Variants in ABLIM2 observed in about 807,000 individuals in gnomAD.
ABLIM2 encodes the protein actin binding LIM protein family member 2, also known as actin-binding LIM protein 2.
ABLIM2 carries 53 observed loss-of-function variants against 97.7 expected under a neutral mutation model. The observed-to-expected ratio is 0.54, with a 90% CI of 0.44 to 0.68. ABLIM2 has a LOEUF of 0.68. ABLIM2 is among the 30% of genes least tolerant of loss of function. The pLI, the probability that ABLIM2 is intolerant of heterozygous loss-of-function variation, is 0.00. For synonymous variants in ABLIM2, 361 were observed against 345.8 expected (o/e 1.04, Z -0.49); for missense variants, 835 against 867.2 (o/e 0.96, Z 0.47).
intron 6 of ABLIM2, among the ~76,000 whole-genome samples, chr4:8,062,606 T>A (rs1449259914): frequency 6.6e-6 from 1 of 151,728 alleles, no homozygotes; most frequent in Non-Finnish European, 1.5e-5. Flanking sequence ...GCCTGGCTAA[T>A]TTTTTTGTAT....
chr4:7,990,258 G>A (rs183648777), intron 17 of ABLIM2, among the ~76,000 whole-genome samples: 21 of 152,146 alleles, frequency 1.4e-4, no homozygotes, highest in Admixed American at 3.9e-4. Context: ...GGAGTGCAGC[G>A]GCATAATAGC....
intron 8 of ABLIM2, among the ~76,000 whole-genome samples, chr4:8,045,602 G>A (rs780631483): frequency 7.9e-5 from 12 of 152,102 alleles, no homozygotes; most frequent in African/African-American, 1.2e-4. Flanking sequence ...AGCCAAGATC[G>A]CGCCACTGCA....
Position 7,983,361 on chromosome 4 carries a change from C to A in ABLIM2, c.1744-17G>T. ...CGGATAGATCTGTTGGGGGAGGAAA[C>A]CACAGGGTCACCTCACGAAGCAAGT... On this transcript the variant is annotated splice_polypyrimidine_tract_variant and intron_variant, in intron 19 of 20. Coordinates refer to ENST00000447017, the MANE Select transcript of ABLIM2 (RefSeq NM_001130083.2). The A allele has an allele frequency of 6.2e-7, 1 of 1,609,008 alleles. No individual in the cohort carries two copies. Among genetic ancestry groups the A allele is most frequent in the Non-Finnish European group, 8.5e-7 (1 of 1,177,894 alleles).
In ABLIM2 at chr4:8,029,566, T is replaced by C. The variant is rs947706418; in HGVS notation, c.1168+90A>G. Reference sequence around the variant, plus strand: ...TCCAGTTGTATAAGAAAAATGCCACTTATAACCGAAAAAAAAAACTAAAAA... The same window carrying C: ...TCCAGTTGTATAAGAAAAATGCCACCTATAACCGAAAAAAAAAACTAAAAA... On this transcript the variant is annotated intron_variant, in intron 11 of 20. Transcript: ENST00000447017. The C allele has an allele frequency of 9.2e-6, 12 of 1,304,410 alleles. No homozygotes were observed. The African/African-American group carries it at 2.0e-4, about 22-fold the overall frequency. 80.8% of individuals were successfully genotyped at this position (1,304,410 alleles called of 1,614,324 possible).
At chr4:7,988,919 G>GTC (rs1282039811) in intron 17 of ABLIM2, among the ~76,000 whole-genome samples, 2 of 152,130 alleles carry the variant, frequency 1.3e-5, no homozygotes, top group Admixed American at 1.3e-4. Context: ...TTGTCTTGTA[G>GTC]TCACATGCAT....
intron 1 of ABLIM2, among the ~76,000 whole-genome samples, chr4:8,139,832 C>A (rs1044358223): frequency 1.6e-4 from 24 of 152,170 alleles, no homozygotes; most frequent in African/African-American, 5.5e-4. Context: ...TACACAATAG[C>A]AAAGGCATGA....
In ABLIM2 at chr4:7,965,987, A is replaced by G. The variant is rs1270756893; in HGVS notation, c.*1003T>C. 6.6e-6 allele frequency: 1 copy of G among 152,252 alleles called. No homozygotes were observed. The highest frequency in any genetic ancestry group is 1.5e-5 in the Non-Finnish European group (1 of 68,042). 9.4% of individuals were successfully genotyped at this position (152,252 alleles called of 1,614,324 possible). ...AACCCTTGATTCCAGGGCTTTGGCC[A>G]TCAGAGGAGGATGTTTTCTCCCCAA... On this transcript the variant is annotated 3_prime_UTR_variant, in exon 21 of 21. Transcript: ENST00000447017.
chr4:8,066,563 A>T (rs1430222683), intron 6 of ABLIM2: 2 of 152,242 alleles, frequency 1.3e-5, no homozygotes, highest in African/African-American at 2.4e-5. Context: ...AGGGAGTATT[A>T]TTCAGCCACA....
At chr4:8,078,846 G>T (rs6826670) in intron 5 of ABLIM2, among the ~76,000 whole-genome samples, 95,050 of 152,152 alleles carry the variant, frequency 0.62, 30,381 homozygotes, top group Middle Eastern at 0.72. Context: ...GCCCCGGCCA[G>T]ACCCAGCACG....
intron 17 of ABLIM2, chr4:7,989,496 C>T (rs897294214): frequency 1.1e-6 from 1 of 920,816 alleles, no homozygotes; most frequent in African/African-American, 1.8e-5. Context: ...GCTATAACTG[C>T]TTTATTCCAT....
chr4:8,000,304 C>A (rs2150167610), intron 16 of ABLIM2, among the ~76,000 whole-genome samples: 1 of 152,246 alleles, frequency 6.6e-6, no homozygotes, highest in Non-Finnish European at 1.5e-5. Flanking sequence ...CCTCAACAAC[C>A]CTCAGAGTCA....
At chr4:8,048,158 G>T (rs923839161) in intron 8 of ABLIM2, among the ~76,000 whole-genome samples, 2 of 152,248 alleles carry the variant, frequency 1.3e-5, no homozygotes, top group African/African-American at 4.8e-5. Flanking sequence ...CCAGCTCTGC[G>T]ATGGGTGGGG....
Position 8,079,608 on chromosome 4 carries a change from A to G in ABLIM2, c.581+1068T>C, listed in dbSNP as rs114820033. On this transcript the variant is annotated intron_variant, in intron 5 of 20. Coordinates refer to ENST00000447017, the MANE Select transcript of ABLIM2 (RefSeq NM_001130083.2). ...CCCCAGCAGTTGTAAGAAACAATACAGAGAGGTCCCATGTACCCTTCGCCT... is the reference window on the plus strand; with the variant it reads ...CCCCAGCAGTTGTAAGAAACAATACGGAGAGGTCCCATGTACCCTTCGCCT... 3.7e-3 allele frequency among the ~76,000 whole-genome samples: 564 copies of G among 152,300 alleles called. 4 individuals are homozygous for G. The highest frequency in any genetic ancestry group is 0.013 in the African/African-American group (543 of 41,552).
In ABLIM2 at chr4:8,123,135, C is replaced by T. The variant is rs926834564; in HGVS notation, c.11-16498G>A. On this transcript the variant is annotated intron_variant, in intron 1 of 20. Coordinates refer to ENST00000447017, the MANE Select transcript of ABLIM2 (RefSeq NM_001130083.2). The surrounding 1 kb of genome is among the most constrained non-coding windows in gnomAD (Gnocchi z 6.2). ...CACTGCTGGAGGAAGACCTCTTTGC[C>T]CGGGTCTGGACTCCTTAATCCTAAT... Among the ~76,000 whole-genome samples the T allele has an allele frequency of 6.6e-6, 1 of 152,200 alleles. No homozygotes were observed. Among genetic ancestry groups the T allele is most frequent in the Non-Finnish European group, 1.5e-5 (1 of 68,026 alleles).
At chr4:8,010,636 C>T in intron 14 of ABLIM2, 1 of 946,190 alleles carries the variant, frequency 1.1e-6, no homozygotes, top group South Asian at 4.9e-5. Context: ...CTACCTGTTT[C>T]TCCTTCTTCC....
intron 2 of ABLIM2, among the ~76,000 whole-genome samples, chr4:8,102,314 C>G (rs1385217566): frequency 1.3e-5 from 2 of 152,234 alleles, no homozygotes; most frequent in East Asian, 1.9e-4. Flanking sequence ...CCAAAGGTCA[C>G]CTCCTCCGTG....
chr4:8,011,827 G>A (rs1765069894), intron 14 of ABLIM2, among the ~76,000 whole-genome samples: 1 of 152,142 alleles, frequency 6.6e-6, no homozygotes, highest in Admixed American at 6.5e-5. Flanking sequence ...TTGGTTGGAG[G>A]CATCTGAATG....
At chr4:8,055,051 T>C (rs1355769866) in intron 7 of ABLIM2, among the ~76,000 whole-genome samples, 1 of 151,574 alleles carries the variant, frequency 6.6e-6, no homozygotes, top group Non-Finnish European at 1.5e-5. Flanking sequence ...TGTTTTTGTT[T>C]TTTTTTTTTC....
At chr4:7,981,893 C>T (rs1311855345) in intron 20 of ABLIM2, among the ~76,000 whole-genome samples, 9 of 148,098 alleles carry the variant, frequency 6.1e-5, no homozygotes, top group Admixed American at 2.7e-4. Context: ...CTGGTAAGGA[C>T]GTACTTCCTA....
Sources: gnomAD v4.1 joint callset for allele counts (sites outside exome capture counted in the v4.1 genomes callset) on GRCh38, gnomAD v4.1.1 for gene constraint, Gnocchi (gnomAD v3.1) non-coding constraint, MANE v1.5 for transcripts, NCBI Gene and HGNC (gene_info 2026-07-23, HGNC 2026-07-21) for gene names.